The following LOC128125817 variants were observed in gnomAD, a reference collection of about 807,000 sequenced individuals.
chr1:41,613,499 G>GAATA, the LOC128125817 span, among the ~76,000 whole-genome samples: 1 of 152,252 alleles, frequency 6.6e-6, no homozygotes, highest in South Asian at 2.1e-4. Flanking sequence ...ATTTGTGAGT[G>GAATA]AATAAATAAA....
chr1:41,598,365 T>A, the LOC128125817 span, among the ~76,000 whole-genome samples: 3 of 152,230 alleles, frequency 2.0e-5, no homozygotes, highest in Non-Finnish European at 4.4e-5. Context: ...TAGTTAAGGT[T>A]CTTGTGTCTA....
chr1:41,611,518 C>T, the LOC128125817 span, among the ~76,000 whole-genome samples: 1 of 152,250 alleles, frequency 6.6e-6, no homozygotes, highest in Non-Finnish European at 1.5e-5. Context: ...GATGAGGACA[C>T]AAAGGCACCG....
chr1:41,588,191 C>A, the LOC128125817 span, among the ~76,000 whole-genome samples: 1 of 152,196 alleles, frequency 6.6e-6, no homozygotes, highest in African/African-American at 2.4e-5. Flanking sequence ...GCCTCCTCAG[C>A]CTGGCTGCAC....
At chr1:41,589,281 G>A in the LOC128125817 span, among the ~76,000 whole-genome samples, 1 of 152,216 alleles carries the variant, frequency 6.6e-6, no homozygotes, top group African/African-American at 2.4e-5. Flanking sequence ...AGGCCAGTGA[G>A]AGCTCTCGCT....
the LOC128125817 span, among the ~76,000 whole-genome samples, chr1:41,592,632 G>T: frequency 1.3e-5 from 2 of 152,154 alleles, no homozygotes; most frequent in African/African-American, 4.8e-5. Context: ...CCACCTACTG[G>T]CCCACCATCC....
the LOC128125817 span, among the ~76,000 whole-genome samples, chr1:41,591,764 G>A: frequency 1.9e-3 from 295 of 152,076 alleles, 5 homozygotes; most frequent in Non-Finnish European, 2.5e-3. Flanking sequence ...TTCTAGCCTC[G>A]ATTACTGCCA....
the LOC128125817 span, among the ~76,000 whole-genome samples, chr1:41,610,384 C>T: frequency 1.3e-5 from 2 of 152,330 alleles, no homozygotes; most frequent in African/African-American, 4.8e-5. Context: ...GGACAGGGTT[C>T]TTTTAGGCCA....
chr1:41,605,442 C>T, the LOC128125817 span, among the ~76,000 whole-genome samples: 13 of 151,614 alleles, frequency 8.6e-5, no homozygotes, highest in African/African-American at 2.9e-4. Context: ...TCCAGTACAG[C>T]GGTACACTTC....
At chr1:41,616,963 G>A in the LOC128125817 span, among the ~76,000 whole-genome samples, 16 of 152,152 alleles carry the variant, frequency 1.1e-4, no homozygotes, top group African/African-American at 3.4e-4. Flanking sequence ...CTTTACCAAA[G>A]AGGAGTGTGA....
the LOC128125817 span, among the ~76,000 whole-genome samples, chr1:41,621,396 G>A: frequency 7.9e-5 from 12 of 152,324 alleles, no homozygotes; most frequent in South Asian, 4.1e-4. Context: ...TGAAAACTTC[G>A]CCCTGCTTTC....
the LOC128125817 span, among the ~76,000 whole-genome samples, chr1:41,615,364 GC>G: frequency 9.2e-5 from 14 of 152,322 alleles, no homozygotes; most frequent in Middle Eastern, 3.4e-3. Flanking sequence ...CACTGGGGCT[GC>G]CCCCCATCTC....
chr1:41,589,819 C>T, the LOC128125817 span, among the ~76,000 whole-genome samples: 7 of 152,232 alleles, frequency 4.6e-5, no homozygotes. Context: ...TACTTACACA[C>T]ACACACCCCC....
the LOC128125817 span, among the ~76,000 whole-genome samples, chr1:41,611,442 C>T: frequency 6.6e-6 from 1 of 152,214 alleles, no homozygotes; most frequent in Non-Finnish European, 1.5e-5. Context: ...CTGCCGAGAA[C>T]CTGACATGTC....
the LOC128125817 span, among the ~76,000 whole-genome samples, chr1:41,605,108 T>TAA: frequency 4.8e-5 from 4 of 83,970 alleles, no homozygotes; most frequent in Admixed American, 4.5e-4. Context: ...CTGTCTCCAA[T>TAA]AAAAAAAAAA....
the LOC128125817 span, among the ~76,000 whole-genome samples, chr1:41,589,524 G>A: frequency 2.3e-4 from 35 of 152,322 alleles, no homozygotes; most frequent in African/African-American, 8.4e-4. Context: ...AGCACCTTCT[G>A]TATCGAAGGC....
chr1:41,595,796 AC>A, the LOC128125817 span, among the ~76,000 whole-genome samples: 1 of 152,172 alleles, frequency 6.6e-6, no homozygotes, highest in Non-Finnish European at 1.5e-5. Flanking sequence ...CTCCTGGCCT[AC>A]ATCTTTCTCC....
the LOC128125817 span, among the ~76,000 whole-genome samples, chr1:41,628,198 G>A: frequency 6.6e-6 from 1 of 152,148 alleles, no homozygotes; most frequent in East Asian, 1.9e-4. Context: ...AAGAATCATT[G>A]CCCCAACCCT....
the LOC128125817 span, among the ~76,000 whole-genome samples, chr1:41,618,476 C>T: frequency 5.9e-5 from 9 of 152,318 alleles, no homozygotes; most frequent in African/African-American, 2.2e-4. Flanking sequence ...CCTTGTGGCT[C>T]CTGGCAGCCT....
the LOC128125817 span, among the ~76,000 whole-genome samples, chr1:41,624,276 G>A: frequency 6.6e-6 from 1 of 152,166 alleles, no homozygotes; most frequent in African/African-American, 2.4e-5. Flanking sequence ...TCCAAATTGT[G>A]TTCCATGAAA....
Sources: gnomAD v4.1 joint callset for allele counts (sites outside exome capture counted in the v4.1 genomes callset) on GRCh38, gnomAD v4.1.1 for gene constraint, MANE v1.5 for transcripts.